The following LIFR variants were observed in gnomAD, a reference collection of about 807,000 sequenced individuals.
LIFR encodes the protein LIF receptor subunit alpha.
LIFR carries 84 observed loss-of-function variants against 122.2 expected under a neutral mutation model. The ratio of observed to expected loss-of-function variants is 0.69; its 90% CI spans 0.58 to 0.82. The LOEUF is 0.82. LIFR is among the 40% of genes least tolerant of loss of function. The pLI is 0.00. For missense variants in LIFR, 1,294 were observed against 1,311.6 expected (o/e 0.99, Z 0.21); for synonymous variants, 422 against 434.7 (o/e 0.97, Z 0.36).
chr5:38,508,211 T>C (rs1745600078), intron 7 of LIFR, among the ~76,000 whole-genome samples: 1 of 152,190 alleles, frequency 6.6e-6, no homozygotes, highest in Non-Finnish European at 1.5e-5. Context: ...AATAATCAAC[T>C]GAAGCTACTA....
Position 38,506,758 on chromosome 5 carries a change from T to C in LIFR, c.992-126A>G, listed in dbSNP as rs1580064475. On this transcript the variant is annotated intron_variant, in intron 7 of 19. Transcript: ENST00000453190. ...AAATAATTTACTATTTACATTTTAC[T>C]TTTGAATAATGCAGGAATTATTCTC... 7.7e-6 allele frequency: 6 copies of C among 781,924 alleles called. No individual in the cohort carries two copies. The East Asian group carries it at 1.6e-4, about 21-fold the overall frequency. 48.4% of individuals were successfully genotyped at this position (781,924 alleles called of 1,614,324 possible). A position where few individuals can be genotyped will look rare whatever the true frequency, so the allele number is the denominator to read the frequency against.
intron 1 of LIFR, among the ~76,000 whole-genome samples, chr5:38,537,412 T>C (rs1747348992): frequency 6.6e-6 from 1 of 152,224 alleles, no homozygotes; most frequent in Non-Finnish European, 1.5e-5. Context: ...AACATCTGAC[T>C]ACTCATATCC....
upstream of LIFR, chr5:38,558,926 C>T (rs1466669571): frequency 6.6e-6 from 1 of 152,254 alleles, no homozygotes; most frequent in African/African-American, 2.4e-5. Flanking sequence ...ACAGCATGTC[C>T]AGGCTGCCCT....
intron 4 of LIFR, among the ~76,000 whole-genome samples, chr5:38,526,871 G>T (rs957738794): frequency 6.6e-6 from 1 of 152,078 alleles, no homozygotes; most frequent in Non-Finnish European, 1.5e-5. Context: ...ACACCCTAGA[G>T]CAAGGGGCAT....
chr5:38,481,831 C>T lies in LIFR; in HGVS notation c.3058G>A (p.Glu1020Lys), dbSNP rs751710397. 1.1e-5 allele frequency: 17 copies of T among 1,614,008 alleles called. No individual in the cohort carries two copies. Among genetic ancestry groups the T allele is most frequent in the African/African-American group, 2.7e-5 (2 of 74,908 alleles). ...NSTVEDIAAE[E>K]DLDKTAGYRP... The stretch of plus-strand genomic sequence containing the variant: ...TAACCCGCAGTTTTATCTAAGTCCT[C>T]TTCTGCAGCTATATCTTCCACAGTA... The change falls in exon 20 of 20, where the codon GAG becomes AAG. Residue 1020 changes from glutamate (E) to lysine (K), a missense_variant. Glu to Lys is a moderately conservative substitution (Grantham distance 56). Coordinates refer to ENST00000453190, the MANE Select transcript of LIFR (RefSeq NM_001127671.2).
At chr5:38,508,669 T>C (rs1244986053) in intron 7 of LIFR, among the ~76,000 whole-genome samples, 2 of 152,024 alleles carry the variant, frequency 1.3e-5, no homozygotes, top group African/African-American at 4.8e-5. Context: ...CTCCGCCTCC[T>C]GGGTTCATGC....
chr5:38,501,289 G>A (rs1422539111), intron 11 of LIFR, among the ~76,000 whole-genome samples: 3 of 152,006 alleles, frequency 2.0e-5, no homozygotes, highest in Non-Finnish European at 2.9e-5. Flanking sequence ...TACACATGTC[G>A]CAAAATGCCC....
At chr5:38,496,317 G>T in intron 13 of LIFR, 65 bp downstream of exon 13, 1 of 1,273,898 alleles carries the variant, frequency 7.8e-7, no homozygotes, top group Middle Eastern at 1.9e-4. Context: ...AAAAGAGCAA[G>T]TAACATCAGA....
chr5:38,598,388 A>G (rs1009822270), upstream of LIFR, among the ~76,000 whole-genome samples: 1 of 150,526 alleles, frequency 6.6e-6, no homozygotes, highest in Non-Finnish European at 1.5e-5. Context: ...CTGGAATTAC[A>G]GGCATGCACC....
intron 19 of LIFR, among the ~76,000 whole-genome samples, 154 bp from the exon 20 acceptor site, chr5:38,482,372 T>C (rs916699253): frequency 2.1e-5 from 3 of 142,928 alleles, no homozygotes; most frequent in African/African-American, 9.1e-5. Flanking sequence ...ACTTTTTTCT[T>C]CCGTATCAGT....
At chr5:38,578,201 CTTTTTCTT>C (rs1417170450) in intron 1 of LIFR, among the ~76,000 whole-genome samples, 5 of 76,658 alleles carry the variant, frequency 6.5e-5, no homozygotes, top group African/African-American at 2.3e-4. Context: ...TTTTCTTTTT[CTTTTTCTT>C]TTTTTTTTTT....
chr5:38,508,207 C>T (rs1410593645), intron 7 of LIFR, among the ~76,000 whole-genome samples: 1 of 152,080 alleles, frequency 6.6e-6, no homozygotes, highest in African/African-American at 2.4e-5. Flanking sequence ...ATAAAATAAT[C>T]AACTGAAGCT....
At chr5:38,485,349 G>A (rs1238337726) in intron 17 of LIFR, among the ~76,000 whole-genome samples, 1 of 152,138 alleles carries the variant, frequency 6.6e-6, no homozygotes, top group African/African-American at 2.4e-5. Flanking sequence ...CTCCAACTCA[G>A]GGGTAGAGGA....
chr5:38,507,422 G>A (rs1745549703), intron 7 of LIFR, among the ~76,000 whole-genome samples: 1 of 151,734 alleles, frequency 6.6e-6, no homozygotes, highest in African/African-American at 2.4e-5. Flanking sequence ...AAATTAGCCG[G>A]GTGTGGTGGA....
intron 7 of LIFR, among the ~76,000 whole-genome samples, chr5:38,509,686 A>G (rs1337278835): frequency 1.3e-5 from 2 of 152,214 alleles, no homozygotes; most frequent in Non-Finnish European, 2.9e-5. Flanking sequence ...AATTCAGCAT[A>G]AAGGGAGGAA....
intron 1 of LIFR, among the ~76,000 whole-genome samples, chr5:38,562,609 G>A (rs1268616805): frequency 2.0e-5 from 3 of 152,234 alleles, no homozygotes; most frequent in Non-Finnish European, 4.4e-5. Flanking sequence ...ACTGCACTCA[G>A]TGCGTTGCCA....
At chr5:38,512,081 C>T (rs1239121168) in intron 5 of LIFR, 117 bp from the exon 6 acceptor site, 1 of 1,000,738 alleles carries the variant, frequency 1.0e-6, no homozygotes, top group Non-Finnish European at 1.5e-6. Context: ...TATGTTTTGT[C>T]CTTTAATACA....
At chr5:38,562,671 T>G (rs1748880335) in intron 1 of LIFR, among the ~76,000 whole-genome samples, 1 of 152,232 alleles carries the variant, frequency 6.6e-6, no homozygotes, top group South Asian at 2.1e-4. Flanking sequence ...GGGATTGAGC[T>G]GAGGTCCAGC....
chr5:38,489,166 C>T lies in LIFR; in HGVS notation c.2247G>A (p.Val749=). The T allele has an allele frequency of 6.2e-7, 1 of 1,612,536 alleles. No individual in the cohort carries two copies. Among genetic ancestry groups the T allele is most frequent in the Non-Finnish European group, 8.5e-7 (1 of 1,178,820 alleles). ...CTCTTAAAAAGCCTCTAAGTTCTTCCACAGGAATGTCTTCCCATTTTACTA... is the reference window on the plus strand; with the variant it reads ...CTCTTAAAAAGCCTCTAAGTTCTTCTACAGGAATGTCTTCCCATTTTACTA... ...SILVKWEDIP[V]EELRGFLRGY... Residue 749 remains valine (V), a synonymous_variant, in exon 16 of 20, where the codon GTG becomes GTA. Transcript: ENST00000453190.
Sources: gnomAD v4.1 joint callset for allele counts (sites outside exome capture counted in the v4.1 genomes callset) on GRCh38, gnomAD v4.1.1 for gene constraint, MANE v1.5 for transcripts, NCBI Gene and HGNC (gene_info 2026-07-23, HGNC 2026-07-21) for gene names.